TMEM132B: variants seen among roughly 807,000 people sequenced by gnomAD.
TMEM132B encodes the protein transmembrane protein 132B.
TMEM132B carries 18 observed loss-of-function variants against 90.8 expected under a neutral mutation model. The ratio of observed to expected loss-of-function variants is 0.20; its 90% CI spans 0.14 to 0.29. The LOEUF is 0.29. Ranked by LOEUF, TMEM132B falls within the 10% of genes least tolerant of loss-of-function variation. The pLI is 1.00. For synonymous variants in TMEM132B, 504 were observed against 523.3 expected (o/e 0.96, Z 0.50); for missense variants, 1,096 against 1,326.8 (o/e 0.83, Z 2.70).
At chr12:125,587,854 G>A (rs1200713917) in intron 5 of TMEM132B, 1 of 152,188 alleles carries the variant, frequency 6.6e-6, no homozygotes, top group African/African-American at 2.4e-5. Context: ...ATTGGGTTGT[G>A]CTCTGCCAAA....
intron 1 of TMEM132B, among the ~76,000 whole-genome samples, chr12:125,192,905 C>T (rs1399881413): frequency 6.6e-6 from 1 of 152,210 alleles, no homozygotes; most frequent in Non-Finnish European, 1.5e-5. Context: ...GTTTTCCCAT[C>T]TGTAAAATGG....
At chr12:125,323,549 T>C (rs1466576592) in intron 1 of TMEM132B, among the ~76,000 whole-genome samples, 1 of 152,204 alleles carries the variant, frequency 6.6e-6, no homozygotes, top group Non-Finnish European at 1.5e-5. Context: ...ACAGGGTCTC[T>C]CTTGGTCACC....
intron 2 of TMEM132B, among the ~76,000 whole-genome samples, chr12:125,359,255 T>C (rs753441573): frequency 1.3e-5 from 2 of 152,226 alleles, no homozygotes; most frequent in African/African-American, 2.4e-5. Flanking sequence ...CAGATGTGCT[T>C]AGTAATCTCT....
chr12:125,609,938 G>A (rs1885786112), intron 5 of TMEM132B, among the ~76,000 whole-genome samples: 1 of 150,652 alleles, frequency 6.6e-6, no homozygotes, highest in Admixed American at 6.6e-5. Flanking sequence ...GGTTTTCAGA[G>A]CATGTTTTGT....
At position 125,654,450 on chromosome 12, in the gene TMEM132B, T is replaced by C; in HGVS notation, c.2992T>C (p.Phe998Leu). ...FLLNGSSQKT[F>L]HSQLLRPSDY... ...TCTGAATGGCAGTTCCCAGAAGACT[T>C]TTCATAGTCAACTACTCAGACCCTC... is the stretch of plus-strand genomic sequence containing the variant. Residue 998 changes from phenylalanine to leucine, a missense_variant, in exon 9 of 9, where the codon TTT becomes CTT. Coordinates refer to ENST00000682704, the MANE Select transcript of TMEM132B (RefSeq NM_001366854.1). The surrounding 1 kb of genome is among the most constrained non-coding windows in gnomAD (Gnocchi z 5.8). The C allele has an allele frequency of 6.2e-7, 1 of 1,613,660 alleles. No individual in the cohort carries two copies. The highest frequency in any genetic ancestry group is 2.2e-5 in the East Asian group (1 of 44,874).
chr12:125,380,904 C>T lies in TMEM132B; in HGVS notation c.959+30561C>T, dbSNP rs115251978. Among the ~76,000 whole-genome samples, 1,233 of 152,320 alleles carry T rather than the reference C, an allele frequency of 8.1e-3. 24 individuals carry two copies. Among genetic ancestry groups the T allele is most frequent in the African/African-American group, 0.028 (1,176 of 41,578 alleles). On this transcript the variant is annotated intron_variant, in intron 2 of 8. Transcript: ENST00000682704. ...GCCTAGGGGTGCTATCAGCTCCCTG[C>T]TGCACTAATCTCAGTTGGGCCTTCC...
chr12:125,435,626 T>G (rs1182757562), intron 3 of TMEM132B, among the ~76,000 whole-genome samples: 3 of 152,236 alleles, frequency 2.0e-5, no homozygotes, highest in African/African-American at 7.2e-5. Context: ...GAAGTTTATA[T>G]TCTAGTGGGA....
In TMEM132B at chr12:125,432,528, T is replaced by TATATATATAGAGAGAGAG. The variant is rs1458075923; in HGVS notation, c.1106+16852_1106+16853insTATATATAGAGAGAGAGA. ...GTGTGTGTGTATATATATATATATA[T>TATATATATAGAGAGAGAG]AGAGAGAGAGAGAGAGAGAGAGAGA... is the stretch of plus-strand genomic sequence containing the variant. On this transcript the variant is annotated intron_variant, in intron 3 of 8. Coordinates refer to ENST00000682704, the MANE Select transcript of TMEM132B (RefSeq NM_001366854.1). Among the ~76,000 whole-genome samples, 8 of 39,128 alleles carry TATATATATAGAGAGAGAG rather than the reference T, an allele frequency of 2.0e-4. 3 individuals carry two copies. Among genetic ancestry groups the TATATATATAGAGAGAGAG allele is most frequent in the African/African-American group, 9.9e-4 (8 of 8,056 alleles). 25.7% of individuals were successfully genotyped at this position (39,128 alleles called of 152,430 possible).
At chr12:125,550,400 T>C (rs1244950743) in intron 4 of TMEM132B, among the ~76,000 whole-genome samples, 1 of 152,238 alleles carries the variant, frequency 6.6e-6, no homozygotes, top group Non-Finnish European at 1.5e-5. Flanking sequence ...TTTTATTAGT[T>C]AGTAATTTTT....
At position 125,523,725 on chromosome 12, in the gene TMEM132B, C is replaced by G. The variant is rs148814770; in HGVS notation, c.1293+4100C>G. 3.5e-3 allele frequency among the ~76,000 whole-genome samples: 540 copies of G among 152,280 alleles called. 3 individuals carry two copies. The highest frequency in any genetic ancestry group is 0.012 in the African/African-American group (515 of 41,558). On this transcript the variant is annotated intron_variant, in intron 4 of 8. Transcript: ENST00000682704. ...TCTGCTCTGTCATTGTGTTGTAGCC[C>G]CAGGCTGCTGCCTGCACCAGCTTAC...
chr12:125,522,435 C>T (rs1252166423), intron 4 of TMEM132B, among the ~76,000 whole-genome samples: 6 of 152,188 alleles, frequency 3.9e-5, no homozygotes, highest in Non-Finnish European at 2.9e-5. Flanking sequence ...ATACAGGGAG[C>T]AGCTGCTAGC....
At chr12:125,565,406 C>T (rs1437894088) in intron 4 of TMEM132B, among the ~76,000 whole-genome samples, 2 of 152,220 alleles carry the variant, frequency 1.3e-5, no homozygotes, top group East Asian at 3.9e-4. Flanking sequence ...CCTGTGACTC[C>T]TGAAGCCCAA....
intron 1 of TMEM132B, among the ~76,000 whole-genome samples, chr12:125,328,073 C>T (rs1298199781): frequency 6.6e-6 from 1 of 152,250 alleles, no homozygotes; most frequent in East Asian, 1.9e-4. Flanking sequence ...ATTCATTTCC[C>T]TGTCTTGGCC....
intron 3 of TMEM132B, among the ~76,000 whole-genome samples, chr12:125,416,655 C>A (rs1880023514): frequency 6.6e-6 from 1 of 152,210 alleles, no homozygotes; most frequent in Non-Finnish European, 1.5e-5. Context: ...CCAACCCCAG[C>A]TAGAACTCTC....
At chr12:125,568,007 C>A (rs373072370) in intron 4 of TMEM132B, among the ~76,000 whole-genome samples, 1 of 152,132 alleles carries the variant, frequency 6.6e-6, no homozygotes, top group South Asian at 2.1e-4. Flanking sequence ...ACCTTGCGTG[C>A]GTCTGTCTCT....
chr12:125,646,548 C>T (rs1032932336), intron 6 of TMEM132B, among the ~76,000 whole-genome samples: 8 of 152,172 alleles, frequency 5.3e-5, no homozygotes, highest in South Asian at 2.1e-4. Flanking sequence ...GAAGTGCCCT[C>T]GTCTCCTATG....
intron 1 of TMEM132B, among the ~76,000 whole-genome samples, chr12:125,340,492 TC>T (rs982301504): frequency 2.9e-4 from 44 of 152,090 alleles, no homozygotes; most frequent in African/African-American, 8.9e-4. Flanking sequence ...GTCTATTTGA[TC>T]CTGGGATATG....
chr12:125,261,836 A>T (rs751022597), intron 1 of TMEM132B, among the ~76,000 whole-genome samples: 1 of 151,788 alleles, frequency 6.6e-6, no homozygotes, highest in African/African-American at 2.4e-5. Context: ...ATGAAAAATG[A>T]TGCCCACTTG....
At chr12:125,532,714 C>A (rs1883677603) in intron 4 of TMEM132B, among the ~76,000 whole-genome samples, 1 of 151,956 alleles carries the variant, frequency 6.6e-6, no homozygotes, top group African/African-American at 2.4e-5. Flanking sequence ...GGGGTTTCAC[C>A]ATGTTGGCCA....
Sources: allele counts gnomAD v4.1 joint callset (sites outside exome capture counted in the v4.1 genomes callset), GRCh38; gene constraint gnomAD v4.1.1; non-coding constraint Gnocchi (gnomAD v3.1); transcripts MANE v1.5; gene names NCBI Gene and HGNC (gene_info 2026-07-23, HGNC 2026-07-21).